The following DTX2 variants were observed in gnomAD, a reference collection of about 807,000 sequenced individuals.
The protein encoded by DTX2 is probable E3 ubiquitin-protein ligase DTX2.
DTX2 carries 29 observed loss-of-function variants against 55.3 expected under a neutral mutation model. That is an observed-to-expected ratio of 0.52 (90% CI 0.39 to 0.71). The LOEUF is 0.71. Among genes scored for constraint, DTX2 ranks in the 30% least tolerant of loss-of-function variants. DTX2 has a pLI of 0.00. For missense variants in DTX2, 537 were observed against 822.5 expected (o/e 0.65, Z 4.25); for synonymous variants, 276 against 340.4 (o/e 0.81, Z 2.08).
Position 76,482,913 on chromosome 7 carries a change from C to T in DTX2, c.674C>T (p.Pro225Leu), listed in dbSNP as rs1420422544. ...TCCATGACCAACCTCCCTGCATACC[C>T]CGTCCCCCAGCACCCCCCACACAGG... ...RHSMTNLPAY[P>L]VPQHPPHRTA... Residue 225 changes from proline to leucine, a missense_variant, in exon 4 of 11, where the codon CCC (proline) becomes CTC (leucine). By Grantham distance (98) the Pro-to-Leu change is moderately conservative. Coordinates refer to ENST00000430490, the MANE Select transcript of DTX2 (RefSeq NM_001102594.3). The T allele has an allele frequency of 6.2e-7, 1 of 1,613,692 alleles. No homozygotes were observed. Among genetic ancestry groups the T allele is most frequent in the Non-Finnish European group, 8.5e-7 (1 of 1,179,784 alleles).
At chr7:76,498,770 G>T (rs1384300248) in intron 6 of DTX2, among the ~76,000 whole-genome samples, 2 of 54,262 alleles carry the variant, frequency 3.7e-5, no homozygotes, top group Non-Finnish European at 6.5e-5. Flanking sequence ...ACCGTGACAG[G>T]ATTTGGGTTC....
intron 4 of DTX2, among the ~76,000 whole-genome samples, chr7:76,486,846 G>GGCGGCTGCTGCTGCT (rs1554636852): frequency 3.8e-5 from 3 of 79,834 alleles, no homozygotes; most frequent in East Asian, 5.9e-4. Flanking sequence ...TGTTGTGGTG[G>GGCGGCTGCTGCTGCT]GCTGCTGCTG....
Position 76,502,354 on chromosome 7 carries a change from T to C in DTX2, c.1287T>C (p.Thr429=), listed in dbSNP as rs561238228. ...CAGCGTCTGGATACAGCGATGTGAC[T>C]GACAGCAAGGCAATCGGGTCCCTAG... ...LSTASGYSDV[T]DSKAIGSLAV... is the part of the protein sequence containing the mutation. The change falls in exon 8 of 11, where the codon ACT becomes ACC. Residue 429 remains threonine (T), a synonymous_variant. Coordinates refer to ENST00000430490, the MANE Select transcript of DTX2 (RefSeq NM_001102594.3). 9 of 1,611,898 alleles carry C rather than the reference T, an allele frequency of 5.6e-6. No homozygotes were observed. The highest frequency in any genetic ancestry group is 2.2e-5 in the South Asian group (2 of 90,878).
chr7:76,502,447 CGGCAATAAGGTGCCCCCACTG>C lies in DTX2; in HGVS notation c.1382_1389+13del. The C allele has an allele frequency of 6.2e-7, 1 of 1,611,744 alleles. No homozygotes were observed. Among genetic ancestry groups the C allele is most frequent in the South Asian group, 1.1e-5 (1 of 91,004 alleles). On this transcript the variant is annotated splice_donor_variant and splice_donor_5th_base_variant and coding_sequence_variant and intron_variant, in exon 8 of 11. Transcript: ENST00000430490. LOFTEE classifies it high-confidence loss of function. ...TGTGCCTCCTGGCCATGTACTGCAA[CGGCAATAAGGTGCCCCCACTG>C]GCCCAGGGCGGAGGCGGGTGGCCCG...
intron 2 of DTX2, among the ~76,000 whole-genome samples, chr7:76,471,510 C>T (rs536191481): frequency 5.8e-3 from 869 of 148,564 alleles, no homozygotes; most frequent in African/African-American, 0.021. Flanking sequence ...TTCCTGGATG[C>T]GGGTTCCTGC....
chr7:76,482,999 G>C lies in DTX2; in HGVS notation c.760G>C (p.Gly254Arg). 1 of 1,613,464 alleles carries C rather than the reference G, an allele frequency of 6.2e-7. No homozygotes were observed. The highest frequency in any genetic ancestry group is 8.5e-7 in the Non-Finnish European group (1 of 1,179,682). ...FAPYNKPSLS[G>R]ARSAPRLNTT... ...ACCGTACAACAAACCCTCACTCTCC[G>C]GGGCCCGGTCTGCGCCCAGGCTGAA... is the stretch of plus-strand genomic sequence containing the variant. Residue 254 changes from glycine (G) to arginine (R), a missense_variant, in exon 4 of 11, where the codon GGG (glycine) becomes CGG (arginine). Around this residue, in one of 7 missense-constraint regions of DTX2, gnomAD observed 301 missense variants for 396.6 expected, o/e 0.76. Coordinates refer to ENST00000430490, the MANE Select transcript of DTX2 (RefSeq NM_001102594.3).
At chr7:76,499,915 G>T in intron 6 of DTX2, 1 of 342,890 alleles carries the variant, frequency 2.9e-6, no homozygotes, top group Non-Finnish European at 5.8e-6. Context: ...TTCCCAGTCA[G>T]TGGCAGGCGT....
intron 7 of DTX2, among the ~76,000 whole-genome samples, chr7:76,500,867 T>C (rs1811587300): frequency 6.7e-6 from 1 of 150,180 alleles, no homozygotes; most frequent in Non-Finnish European, 1.5e-5. Context: ...TGAGGTGGCC[T>C]CGTCCAGGTG....
intron 2 of DTX2, among the ~76,000 whole-genome samples, chr7:76,471,845 G>C (rs533114148): frequency 6.6e-6 from 1 of 151,522 alleles, no homozygotes; most frequent in Admixed American, 6.6e-5. Flanking sequence ...GTGGGTTCTT[G>C]GTTCTGGAGA....
chr7:76,472,789 A>ACT (rs1418946625), intron 2 of DTX2, among the ~76,000 whole-genome samples: 1 of 152,048 alleles, frequency 6.6e-6, no homozygotes, highest in Non-Finnish European at 1.5e-5. Flanking sequence ...TCGTTTCTCC[A>ACT]CTCAAAGACA....
At position 76,503,577 on chromosome 7, in the gene DTX2, A is replaced by G. The variant is rs1563759483; in HGVS notation, c.1541A>G (p.His514Arg). ...ATCCTCATAGTTTACAGCATTCCCC[A>G]TGGTATCCAGGTGAGGGGCCTTCTT... ...GTILIVYSIP[H>R]GIQGPEHPNP... Residue 514 changes from histidine (H) to arginine (R), a missense_variant, in exon 9 of 11, where the codon CAT becomes CGT. His to Arg is a conservative substitution (Grantham distance 29). Around this residue, in one of 7 missense-constraint regions of DTX2, gnomAD observed 121 missense variants for 136.8 expected, o/e 0.88. Transcript: ENST00000430490. 2.5e-6 allele frequency: 4 copies of G among 1,611,124 alleles called. No homozygotes were observed. Among genetic ancestry groups the G allele is most frequent in the Admixed American group, 3.3e-5 (2 of 59,896 alleles).
intron 4 of DTX2, among the ~76,000 whole-genome samples, chr7:76,484,804 C>T (rs1329151618): frequency 3.5e-5 from 5 of 143,714 alleles, no homozygotes; most frequent in South Asian, 2.4e-4. Context: ...ACAGTGACAG[C>T]GCCTCCCGCT....
chr7:76,477,577 C>G (rs1808688597), intron 2 of DTX2, among the ~76,000 whole-genome samples: 2 of 150,846 alleles, frequency 1.3e-5, no homozygotes, highest in Non-Finnish European at 2.9e-5. Context: ...AATAGCCAGG[C>G]ATGGTGGCGC....
At chr7:76,465,214 G>A (rs1261959966) in intron 2 of DTX2, among the ~76,000 whole-genome samples, 1 of 144,444 alleles carries the variant, frequency 6.9e-6, no homozygotes, top group Non-Finnish European at 1.5e-5. Flanking sequence ...CCAAGTGGGT[G>A]GGATTCAGGG....
chr7:76,462,814 C>T (rs369379953), intron 1 of DTX2, among the ~76,000 whole-genome samples: 403 of 11,648 alleles, frequency 0.035, 2 homozygotes, highest in East Asian at 0.096. Context: ...GCCTGTAATC[C>T]CAGCCCTTTG....
chr7:76,505,930 G>A lies in DTX2; in HGVS notation c.*329G>A, dbSNP rs915218881. On this transcript the variant is annotated 3_prime_UTR_variant, in exon 11 of 11. Transcript: ENST00000430490. This position sits in a 1 kb window ranked among gnomAD's most constrained non-coding sequence, Gnocchi z 4.4. Reference sequence around the variant, plus strand: ...AGAGACTTCCCCAGCCTGGACGGGCGTGGGTTCTGGGTCAGCTTCTTTTAC... The same window carrying A: ...AGAGACTTCCCCAGCCTGGACGGGCATGGGTTCTGGGTCAGCTTCTTTTAC... The A allele has an allele frequency of 1.0e-5, 5 of 500,818 alleles. No individual in the cohort carries two copies. The highest frequency in any genetic ancestry group is 1.8e-5 in the Non-Finnish European group (5 of 276,436). The allele number at this position is 500,818 out of a possible 1,614,324, so 31.0% of individuals were successfully genotyped here. A position where few individuals can be genotyped will look rare whatever the true frequency, so the allele number is the denominator to read the frequency against.
Position 76,503,454 on chromosome 7 carries a change from A to C in DTX2, c.1418A>C (p.Lys473Thr). Residue 473 changes from lysine to threonine, a missense_variant, in exon 9 of 11, where the codon AAA becomes ACA. Around this residue, in one of 7 missense-constraint regions of DTX2, gnomAD observed 121 missense variants for 136.8 expected, o/e 0.88. Transcript: ENST00000430490. Reference sequence around the variant, plus strand: ...GGAAGTCTGCAGTGTCCCTCCTGCAAAACCATCTATGGAGAGAAGACGGGG... The same window carrying C: ...GGAAGTCTGCAGTGTCCCTCCTGCACAACCATCTATGGAGAGAAGACGGGG... ...KDGSLQCPSC[K>T]TIYGEKTGTQ... 1 of 1,612,922 alleles carries C rather than the reference A, an allele frequency of 6.2e-7. No individual in the cohort carries two copies. The highest frequency in any genetic ancestry group is 8.5e-7 in the Non-Finnish European group (1 of 1,179,926).
chr7:76,502,516 C>A (rs1316513991), intron 8 of DTX2, 60 bp downstream of exon 8: 2 of 1,563,138 alleles, frequency 1.3e-6, no homozygotes, highest in African/African-American at 2.7e-5. Context: ...TGAGCTGTCC[C>A]CTGCAGGGGC....
intron 5 of DTX2, among the ~76,000 whole-genome samples, chr7:76,494,334 A>G (rs1810693780): frequency 1.1e-5 from 1 of 91,226 alleles, no homozygotes; most frequent in Non-Finnish European, 2.4e-5. Flanking sequence ...TGCCCACTGA[A>G]GTCACCGTGC....
Sources: allele counts gnomAD v4.1 joint callset (sites outside exome capture counted in the v4.1 genomes callset), GRCh38; gene constraint gnomAD v4.1.1; regional missense constraint gnomAD v4.1.1; non-coding constraint Gnocchi (gnomAD v3.1); transcripts MANE v1.5; gene names NCBI Gene and HGNC (gene_info 2026-07-23, HGNC 2026-07-21).